Variants in CDC14B observed in about 807,000 individuals in gnomAD.
CDC14B encodes cell division cycle 14B.
CDC14B carries 22 observed loss-of-function variants against 64.2 expected under a neutral mutation model. The ratio of observed to expected loss-of-function variants is 0.34; its 90% CI spans 0.24 to 0.49. The LOEUF is 0.49. Among genes scored for constraint, CDC14B ranks in the 20% least tolerant of loss-of-function variants. The pLI, the probability that CDC14B is intolerant of heterozygous loss-of-function variation, is 0.99. For missense variants in CDC14B, 498 were observed against 629.9 expected, an observed-to-expected ratio of 0.79 and a Z score of 2.24; for synonymous variants, 191 against 215.8, an observed-to-expected ratio of 0.89 and a Z score of 1.01.
chr9:96,603,191 C>CACACAT (rs1190965928), intron 1 of CDC14B, among the ~76,000 whole-genome samples: 1 of 150,458 alleles, frequency 6.6e-6, no homozygotes, highest in Non-Finnish European at 1.5e-5. Flanking sequence ...CACACACACA[C>CACACAT]AAATACACAA....
chr9:96,574,556 C>A, intron 1 of CDC14B, among the ~76,000 whole-genome samples: 1 of 151,104 alleles, frequency 6.6e-6, no homozygotes. Flanking sequence ...TTACTCAAAA[C>A]AAAAAAGACC....
At chr9:96,540,450 T>C (rs1226789104) in intron 6 of CDC14B, among the ~76,000 whole-genome samples, 1 of 151,934 alleles carries the variant, frequency 6.6e-6, no homozygotes. Context: ...CTAGGCAACA[T>C]AGTGAGACCT....
At chr9:96,618,033 T>C (rs530075575) in intron 1 of CDC14B, among the ~76,000 whole-genome samples, 4 of 152,272 alleles carry the variant, frequency 2.6e-5, no homozygotes, top group African/African-American at 9.6e-5. Flanking sequence ...GGGCAACCCC[T>C]TCCTATGCCC....
chr9:96,515,603 G>T lies in CDC14B; in HGVS notation c.1344-5814C>A. ...AACATGCATTGTGGGAACCACACTA[G>T]GCACCAGAAGTAAGCAACGGCAGAG... On this transcript the variant is annotated intron_variant, in intron 12 of 13. Transcript: ENST00000375241. The surrounding 1 kb of genome is among the most constrained non-coding windows in gnomAD (Gnocchi z 4.3). The T allele has an allele frequency of 6.7e-7, 1 of 1,502,384 alleles. No homozygotes were observed. The allele number at this position is 1,502,384 out of a possible 1,614,324, so 93.1% of individuals were successfully genotyped here. A position where few individuals can be genotyped will look rare whatever the true frequency, so the allele number is the denominator to read the frequency against.
At chr9:96,543,335 G>A (rs1564293202) in intron 5 of CDC14B, among the ~76,000 whole-genome samples, 2 of 148,250 alleles carry the variant, frequency 1.3e-5, no homozygotes, top group South Asian at 2.1e-4. Flanking sequence ...CTCGAGACTC[G>A]TCTCAAAAAA....
chr9:96,523,824 G>T, intron 9 of CDC14B, 99 bp from the exon 10 acceptor site: 2 of 1,240,644 alleles, frequency 1.6e-6, no homozygotes, highest in Non-Finnish European at 1.1e-6. Flanking sequence ...TCATGACTCT[G>T]CTTCTTTCAA....
intron 1 of CDC14B, among the ~76,000 whole-genome samples, chr9:96,587,461 G>C (rs1188261296): frequency 6.6e-6 from 1 of 152,178 alleles, no homozygotes; most frequent in African/African-American, 2.4e-5. Flanking sequence ...TCTGCCTTGA[G>C]GGCCTTTGCT....
intron 1 of CDC14B, among the ~76,000 whole-genome samples, chr9:96,592,794 A>G (rs539462733): frequency 6.6e-6 from 1 of 151,326 alleles, no homozygotes; most frequent in African/African-American, 2.5e-5. Flanking sequence ...ACAAAAAAAC[A>G]GGTTGCTAAA....
chr9:96,491,603 G>A (rs183703506), exon 14 of CDC14B: 11 of 152,194 alleles, frequency 7.2e-5, no homozygotes, highest in African/African-American at 2.4e-4. Context: ...TCAGGGCTGT[G>A]TCATGAGTCA....
chr9:96,617,887 C>A (rs1205409111), intron 1 of CDC14B, among the ~76,000 whole-genome samples: 2 of 152,194 alleles, frequency 1.3e-5, no homozygotes, highest in Admixed American at 1.3e-4. Context: ...TAGGCCCACC[C>A]GTTCCCAGCC....
intron 12 of CDC14B, among the ~76,000 whole-genome samples, chr9:96,514,167 T>C (rs1835293673): frequency 6.6e-6 from 1 of 152,168 alleles, no homozygotes; most frequent in Admixed American, 6.5e-5. Flanking sequence ...ATAGTTTACA[T>C]GGAATACTGA....
At chr9:96,511,604 G>A (rs1371645847) in intron 12 of CDC14B, among the ~76,000 whole-genome samples, 3 of 152,136 alleles carry the variant, frequency 2.0e-5, no homozygotes, top group Non-Finnish European at 4.4e-5. Flanking sequence ...TGGGCCAGCG[G>A]TCCCAAGCCT....
rs998397165 is a variant in CDC14B, at chr9:96,515,621, C to T, written c.1344-5832G>A. The T allele has an allele frequency of 3.0e-5, 46 of 1,533,986 alleles. No individual in the cohort carries two copies. The highest frequency in any genetic ancestry group is 2.2e-4 in the Middle Eastern group (1 of 4,578). ...CACACTAGGCACCAGAAGTAAGCAA[C>T]GGCAGAGAAACAGAACGGGACACTT... On this transcript the variant is annotated intron_variant, in intron 12 of 13. Transcript: ENST00000375241. The surrounding 1 kb of genome is among the most constrained non-coding windows in gnomAD (Gnocchi z 4.3).
chr9:96,574,653 C>T lies in CDC14B; in HGVS notation c.161-9170G>A, dbSNP rs983185094. On this transcript the variant is annotated intron_variant, in intron 1 of 13. Transcript: ENST00000375241. ...AAATTAGCTGGGAGCCGAGATTGCGCCATTGCACTCCAGCCTGGGCAACAA... is the reference window on the plus strand; with the variant it reads ...AAATTAGCTGGGAGCCGAGATTGCGTCATTGCACTCCAGCCTGGGCAACAA... Among the ~76,000 whole-genome samples, 14 of 144,680 alleles carry T rather than the reference C, an allele frequency of 9.7e-5. 1 individual carries two copies. Among genetic ancestry groups the T allele is most frequent in the Admixed American group, 8.2e-4 (12 of 14,680 alleles). The allele number at this position is 144,680 out of a possible 152,430, so 94.9% of individuals were successfully genotyped here.
At chr9:96,550,158 G>C (rs1008369544) in intron 5 of CDC14B, among the ~76,000 whole-genome samples, 8 of 152,182 alleles carry the variant, frequency 5.3e-5, no homozygotes, top group African/African-American at 1.9e-4. Flanking sequence ...TTGCTATTAT[G>C]TTATAGGTTG....
At chr9:96,594,467 A>G (rs1845950692) in intron 1 of CDC14B, among the ~76,000 whole-genome samples, 1 of 152,214 alleles carries the variant, frequency 6.6e-6, no homozygotes, top group African/African-American at 2.4e-5. Context: ...CTGTAATCTC[A>G]GCACTTTGGG....
chr9:96,547,192 C>G (rs1390109382), intron 5 of CDC14B, among the ~76,000 whole-genome samples: 3 of 151,856 alleles, frequency 2.0e-5, no homozygotes, highest in African/African-American at 4.8e-5. Context: ...TGGCCAGGCA[C>G]AGTGGCTCAT....
intron 5 of CDC14B, among the ~76,000 whole-genome samples, chr9:96,546,173 C>T (rs1288506357): frequency 6.6e-6 from 1 of 152,108 alleles, no homozygotes; most frequent in Admixed American, 6.6e-5. Flanking sequence ...AAAAGGACCA[C>T]AGGCAAATAA....
intron 4 of CDC14B, among the ~76,000 whole-genome samples, chr9:96,562,359 G>A (rs1347376606): frequency 1.3e-5 from 2 of 152,190 alleles, no homozygotes; most frequent in Admixed American, 6.5e-5. Flanking sequence ...CGAGTGAATA[G>A]AAATAGCTTT....
Sources: allele counts gnomAD v4.1 joint callset (sites outside exome capture counted in the v4.1 genomes callset), GRCh38; gene constraint gnomAD v4.1.1; non-coding constraint Gnocchi (gnomAD v3.1); transcripts MANE v1.5; gene names NCBI Gene and HGNC (gene_info 2026-07-23, HGNC 2026-07-21).